The following DCAF10 variants were observed in gnomAD, a reference collection of about 807,000 sequenced individuals.
DCAF10 encodes the protein DDB1 and CUL4 associated factor 10, also known as DDB1- and CUL4-associated factor 10.
Under a neutral mutation model 51.9 loss-of-function variants are expected in DCAF10, and 19 were observed. The ratio of observed to expected loss-of-function variants is 0.37; its 90% CI spans 0.26 to 0.54. The LOEUF (loss-of-function observed/expected upper bound fraction) is 0.54, where lower values mean the gene tolerates loss of function less well. DCAF10 is among the 20% of genes least tolerant of loss of function. The pLI is 0.87. For missense variants in DCAF10, 510 were observed against 730.6 expected (o/e 0.70, Z 3.48); for synonymous variants, 291 against 297.1 (o/e 0.98, Z 0.21).
chr9:37,812,072 C>G (rs1829365249), intron 1 of DCAF10, among the ~76,000 whole-genome samples: 1 of 151,964 alleles, frequency 6.6e-6, no homozygotes, highest in South Asian at 2.1e-4. Flanking sequence ...CCCAGCTACT[C>G]AGGAGGCTGA....
At chr9:37,806,014 G>A (rs1829103500) in intron 1 of DCAF10, among the ~76,000 whole-genome samples, 1 of 152,164 alleles carries the variant, frequency 6.6e-6, no homozygotes, top group East Asian at 1.9e-4. Context: ...AGCTCGGAAG[G>A]TGGAGGCTGC....
At chr9:37,823,675 C>T (rs1051498486) in intron 2 of DCAF10, among the ~76,000 whole-genome samples, 4 of 151,680 alleles carry the variant, frequency 2.6e-5, no homozygotes, top group African/African-American at 9.7e-5. Flanking sequence ...ATGCTAATCA[C>T]ATATGTAATT....
intron 2 of DCAF10, among the ~76,000 whole-genome samples, chr9:37,826,052 G>A: frequency 7.0e-6 from 1 of 143,586 alleles, no homozygotes; most frequent in Admixed American, 7.0e-5. Context: ...AAAAAAAAAA[G>A]TTTAAAAAAG....
Position 37,801,484 on chromosome 9 carries a change from C to A in DCAF10, c.539+79C>A. The A allele has an allele frequency of 1.5e-6, 2 of 1,337,748 alleles. No individual in the cohort carries two copies. Among genetic ancestry groups the A allele is most frequent in the South Asian group, 2.0e-5 (1 of 49,666 alleles). The allele number at this position is 1,337,748 out of a possible 1,614,324, so 82.9% of individuals were successfully genotyped here. A position where few individuals can be genotyped will look rare whatever the true frequency, so the allele number is the denominator to read the frequency against. ...AGCGGACGGCCGTCCTGGGCTCGCT[C>A]CCCGCGCCCGGGCCGAGGTTAGCGA... On this transcript the variant is annotated intron_variant, in intron 1 of 6. Coordinates refer to ENST00000377724, the MANE Select transcript of DCAF10 (RefSeq NM_024345.5). This position sits in a 1 kb window ranked among gnomAD's most constrained non-coding sequence, Gnocchi z 5.5.
intron 2 of DCAF10, among the ~76,000 whole-genome samples, chr9:37,828,009 G>A (rs897584951): frequency 6.6e-5 from 10 of 151,966 alleles, no homozygotes; most frequent in African/African-American, 2.4e-4. Context: ...TCAGCCTCCC[G>A]AGTAGCTGGG....
chr9:37,842,066 GT>G (rs779637091), intron 2 of DCAF10, 22 bp from the exon 3 acceptor site: 9 of 1,598,110 alleles, frequency 5.6e-6, no homozygotes, highest in Non-Finnish European at 6.8e-6. Context: ...ATGAACCAGG[GT>G]TTTGTTTTTC....
At position 37,847,330 on chromosome 9, in the gene DCAF10, C is replaced by A. The variant is rs200224171; in HGVS notation, c.851+5044C>A. 5.2e-4 allele frequency among the ~76,000 whole-genome samples: 58 copies of A among 112,604 alleles called. No homozygotes were observed. In the East Asian group the frequency reaches 0.016, roughly 30 times the overall value. 73.9% of individuals were successfully genotyped at this position (112,604 alleles called of 152,430 possible). A position where few individuals can be genotyped will look rare whatever the true frequency, so the allele number is the denominator to read the frequency against. On this transcript the variant is annotated intron_variant, in intron 3 of 6. Transcript: ENST00000377724. ...AAAAAAAGGATGGAAAAATCCTCAACAAAATATTAGCAAATCTAACAATAT... is the reference window on the plus strand; with the variant it reads ...AAAAAAAGGATGGAAAAATCCTCAAAAAAATATTAGCAAATCTAACAATAT...
At chr9:37,824,318 T>C (rs899818852) in intron 2 of DCAF10, among the ~76,000 whole-genome samples, 5 of 152,086 alleles carry the variant, frequency 3.3e-5, no homozygotes, top group African/African-American at 1.2e-4. Context: ...GGGAGTTTTG[T>C]TAAGTGGGAA....
At chr9:37,856,168 G>GA (rs1427482435) in intron 4 of DCAF10, among the ~76,000 whole-genome samples, 3 of 151,562 alleles carry the variant, frequency 2.0e-5, no homozygotes, top group Admixed American at 1.3e-4. Context: ...AAAAGGAAAT[G>GA]AAAAAAAAGG....
At chr9:37,822,439 A>G (rs967563494) in intron 2 of DCAF10, among the ~76,000 whole-genome samples, 26 of 134,530 alleles carry the variant, frequency 1.9e-4, no homozygotes, top group African/African-American at 6.5e-4. Flanking sequence ...ATATATATAT[A>G]TATGATGGAA....
chr9:37,857,072 TCTTAGAACA>T (rs1830869187), intron 4 of DCAF10, among the ~76,000 whole-genome samples, 160 bp from the exon 5 acceptor site: 1 of 152,320 alleles, frequency 6.6e-6, no homozygotes, highest in African/African-American at 2.4e-5. Flanking sequence ...AGGGACTAGA[TCTTAGAACA>T]CTTCAAAGAG....
At chr9:37,819,496 C>T in intron 2 of DCAF10, 95 bp downstream of exon 2, 5 of 787,288 alleles carry the variant, frequency 6.4e-6, no homozygotes, top group Non-Finnish European at 8.3e-6. Flanking sequence ...ATGCCTTATC[C>T]AGCACTGCTA....
At position 37,866,130 on chromosome 9, in the gene DCAF10, G is replaced by A. The variant is rs1831132138; in HGVS notation, c.*4622G>A. 1 of 152,620 alleles carries A rather than the reference G, an allele frequency of 6.6e-6. No homozygotes were observed. Among genetic ancestry groups the A allele is most frequent in the Non-Finnish European group, 1.5e-5 (1 of 68,032 alleles). 9.5% of individuals were successfully genotyped at this position (152,620 alleles called of 1,614,324 possible). ...GAAAATTCACTCAGTGATACCCCGT[G>A]TTGGTCTTGAAGGAAACCGTACATA... On this transcript the variant is annotated 3_prime_UTR_variant, in exon 7 of 7. Transcript: ENST00000377724.
intron 2 of DCAF10, among the ~76,000 whole-genome samples, chr9:37,826,820 CTTTTT>C (rs397893920): frequency 2.7e-4 from 34 of 123,814 alleles, no homozygotes; most frequent in African/African-American, 1.0e-3. Flanking sequence ...ACCACAATAC[CTTTTT>C]TTTTTTTTTT....
At chr9:37,824,952 G>T (rs939511842) in intron 2 of DCAF10, among the ~76,000 whole-genome samples, 1 of 152,232 alleles carries the variant, frequency 6.6e-6, no homozygotes, top group East Asian at 1.9e-4. Context: ...GAATTATAAA[G>T]AATTAGAAGT....
intron 2 of DCAF10, among the ~76,000 whole-genome samples, chr9:37,827,061 G>C (rs1363759939): frequency 6.6e-6 from 1 of 151,994 alleles, no homozygotes; most frequent in Non-Finnish European, 1.5e-5. Flanking sequence ...CCCGACCTCA[G>C]GTGATCCACC....
rs778486047 is a variant in DCAF10 at position 37,801,192 on chromosome 9, G to A, written c.326G>A (p.Arg109Gln). Residue 109 changes from arginine to glutamine, a missense_variant, in exon 1 of 7, where the codon CGA (arginine) becomes CAA (glutamine). By Grantham distance (43) the Arg-to-Gln change is conservative (BLOSUM62 1). Coordinates refer to ENST00000377724, the MANE Select transcript of DCAF10 (RefSeq NM_024345.5). This position sits in a 1 kb window ranked among gnomAD's most constrained non-coding sequence, Gnocchi z 5.5. ...GACTGCAGGGCCAAGAGCCGGGGCC[G>A]ACACGGCCTCGGCGCGGGCCTGGGC... ...GPDCRAKSRG[R>Q]HGLGAGLGGP... 5.8e-6 allele frequency: 9 copies of A among 1,546,718 alleles called. No individual in the cohort carries two copies. The highest frequency in any genetic ancestry group is 1.2e-5 in the South Asian group (1 of 83,550).
At chr9:37,808,788 T>TATATAACA (rs1829238363) in intron 1 of DCAF10, among the ~76,000 whole-genome samples, 2 of 110,266 alleles carry the variant, frequency 1.8e-5, no homozygotes, top group East Asian at 2.1e-4. Context: ...ATTATATATT[T>TATATAACA]TATATTTTTG....
intron 1 of DCAF10, among the ~76,000 whole-genome samples, chr9:37,816,490 T>A (rs1829536917): frequency 6.6e-6 from 1 of 152,164 alleles, no homozygotes; most frequent in African/African-American, 2.4e-5. Flanking sequence ...CTTGGGAGGC[T>A]GAGGCAGGAA....
Sources: allele counts gnomAD v4.1 joint callset (sites outside exome capture counted in the v4.1 genomes callset), GRCh38; gene constraint gnomAD v4.1.1; non-coding constraint Gnocchi (gnomAD v3.1); transcripts MANE v1.5; gene names NCBI Gene and HGNC (gene_info 2026-07-23, HGNC 2026-07-21).